The following GALNT13 variants were observed in gnomAD, a reference collection of about 807,000 sequenced individuals.
GALNT13 encodes UDP-GalNAc:polypeptide N-acetylgalactosaminyltransferase 13.
In GALNT13, 28 loss-of-function variants were observed where a neutral mutation model predicts 64.2. The ratio of observed to expected loss-of-function variants is 0.44; its 90% CI spans 0.32 to 0.60. The LOEUF is 0.60. Among genes scored for constraint, GALNT13 ranks in the 20% least tolerant of loss-of-function variants. GALNT13 has a pLI of 0.05. For missense variants in GALNT13, 577 were observed against 669.8 expected (o/e 0.86, Z 1.53); for synonymous variants, 214 against 224.6 (o/e 0.95, Z 0.42).
In GALNT13 at chr2:153,898,753, A is replaced by T. The variant is rs149045597; in HGVS notation, c.-176-2183A>T. 5.4e-3 allele frequency among the ~76,000 whole-genome samples: 817 copies of T among 151,788 alleles called. 5 individuals carry two copies. The highest frequency in any genetic ancestry group is 0.018 in the African/African-American group (750 of 41,454). Reference sequence around the variant, plus strand: ...TAAGATAACCAATCAATAGCATGTGATTATAGGAATCTAGTGAAATGTAGT... The same window carrying T: ...TAAGATAACCAATCAATAGCATGTGTTTATAGGAATCTAGTGAAATGTAGT... On this transcript the variant is annotated intron_variant, in intron 1 of 12. Transcript: ENST00000392825.
the GALNT13 span, among the ~76,000 whole-genome samples, chr2:153,759,684 A>G: frequency 7.2e-5 from 11 of 152,198 alleles, no homozygotes; most frequent in Middle Eastern, 3.4e-3. Flanking sequence ...TGATTAAATG[A>G]TTCATTTAAT....
the GALNT13 span, among the ~76,000 whole-genome samples, chr2:153,840,324 A>G: frequency 6.6e-6 from 1 of 152,272 alleles, no homozygotes; most frequent in Non-Finnish European, 1.5e-5. Flanking sequence ...ATTTAAAACT[A>G]CATTTTAAGA....
chr2:153,339,149 T>C, the GALNT13 span, among the ~76,000 whole-genome samples: 1 of 152,200 alleles, frequency 6.6e-6, no homozygotes, highest in Non-Finnish European at 1.5e-5. Context: ...AGTAATGGGA[T>C]TGGTGGGTTG....
In GALNT13 at chr2:154,344,085, G is replaced by C. The variant is rs143332025; in HGVS notation, c.1156+42496G>C. On this transcript the variant is annotated intron_variant, in intron 9 of 12. Transcript: ENST00000392825. The stretch of plus-strand genomic sequence containing the variant: ...CTTGATAGAATATGTTTCTAAGAAG[G>C]ATTTTATGTATTCTGTCTCTATGAT... Among the ~76,000 whole-genome samples, 22 of 152,048 alleles carry C rather than the reference G, an allele frequency of 1.4e-4. No homozygotes were observed. In the East Asian group the frequency reaches 4.3e-3, roughly 29 times the overall value.
chr2:153,588,434 A>G, the GALNT13 span, among the ~76,000 whole-genome samples: 4 of 152,148 alleles, frequency 2.6e-5, no homozygotes, highest in Non-Finnish European at 4.4e-5. Context: ...CCAAACCCCA[A>G]TTTTTAACTT....
chr2:154,293,989 A>G (rs1314251414), intron 8 of GALNT13, among the ~76,000 whole-genome samples: 1 of 152,206 alleles, frequency 6.6e-6, no homozygotes, highest in Non-Finnish European at 1.5e-5. Context: ...ATTAATGCAT[A>G]GTGTTATGCA....
chr2:153,389,410 G>A, the GALNT13 span, among the ~76,000 whole-genome samples: 1 of 152,010 alleles, frequency 6.6e-6, no homozygotes. Context: ...GCTTGTAAGA[G>A]GTAAAGGCTT....
At chr2:153,486,242 C>T in the GALNT13 span, among the ~76,000 whole-genome samples, 1 of 152,116 alleles carries the variant, frequency 6.6e-6, no homozygotes, top group Non-Finnish European at 1.5e-5. Context: ...GCCTCACCTT[C>T]CTTTTAATGA....
the GALNT13 span, among the ~76,000 whole-genome samples, chr2:153,565,212 C>A: frequency 6.6e-6 from 1 of 151,848 alleles, no homozygotes; most frequent in African/African-American, 2.4e-5. Context: ...AAAACAAATA[C>A]AACATTATAA....
At chr2:153,863,568 A>G in the GALNT13 span, among the ~76,000 whole-genome samples, 1 of 152,176 alleles carries the variant, frequency 6.6e-6, no homozygotes, top group African/African-American at 2.4e-5. Flanking sequence ...GTGAAAACCA[A>G]TAAAATGTAT....
At chr2:154,004,867 C>T (rs1696147689) in intron 3 of GALNT13, among the ~76,000 whole-genome samples, 1 of 152,154 alleles carries the variant, frequency 6.6e-6, no homozygotes, top group Admixed American at 6.5e-5. Context: ...TAGATAGTGA[C>T]TCAGTGATAT....
rs368223970 is a variant in GALNT13, at chr2:154,036,576, AGT to A, written c.142+91941_142+91942del. Among the ~76,000 whole-genome samples the A allele has an allele frequency of 1.7e-4, 26 of 152,248 alleles. 1 individual carries two copies. In the South Asian group the frequency reaches 5.2e-3, roughly 30 times the overall value. ...TCTTATTGACCTGTATGTTTATATG[AGT>A]GTGAATATGTGTGTACCTGTGTGTA... is the stretch of plus-strand genomic sequence containing the variant. On this transcript the variant is annotated intron_variant, in intron 3 of 12. Transcript: ENST00000392825.
the GALNT13 span, among the ~76,000 whole-genome samples, chr2:153,262,604 C>T: frequency 2.0e-5 from 3 of 152,208 alleles, no homozygotes; most frequent in East Asian, 3.9e-4. Flanking sequence ...TCCACCATGA[C>T]CACCAAGTTG....
chr2:153,718,314 C>A, the GALNT13 span, among the ~76,000 whole-genome samples: 1 of 151,828 alleles, frequency 6.6e-6, no homozygotes, highest in South Asian at 2.1e-4. Flanking sequence ...AGCCAGGACA[C>A]AAAGTAAGGT....
chr2:153,368,937 T>C, the GALNT13 span, among the ~76,000 whole-genome samples: 2 of 151,956 alleles, frequency 1.3e-5, no homozygotes, highest in African/African-American at 4.8e-5. Flanking sequence ...AAAAAAACTT[T>C]AATAAATTTG....
At chr2:154,170,637 T>C (rs1006680956) in intron 4 of GALNT13, among the ~76,000 whole-genome samples, 1 of 152,166 alleles carries the variant, frequency 6.6e-6, no homozygotes. Context: ...TTCACTGCCA[T>C]GTGAAACCTG....
intron 5 of GALNT13, among the ~76,000 whole-genome samples, 186 bp from the exon 6 acceptor site, chr2:154,242,510 CAT>C (rs969736604): frequency 9.9e-5 from 15 of 152,112 alleles, no homozygotes; most frequent in Non-Finnish European, 1.5e-4. Flanking sequence ...TGAGCATTCT[CAT>C]ATGATTTTAT....
chr2:153,681,255 C>T, the GALNT13 span, among the ~76,000 whole-genome samples: 1 of 151,754 alleles, frequency 6.6e-6, no homozygotes. Context: ...GTAGTTAGCC[C>T]AAACCAAGTA....
At chr2:153,839,817 G>T in the GALNT13 span, among the ~76,000 whole-genome samples, 4 of 151,830 alleles carry the variant, frequency 2.6e-5, no homozygotes, top group Non-Finnish European at 5.9e-5. Flanking sequence ...TGGAGACATT[G>T]TGTATTTATT....
Sources: allele counts gnomAD v4.1 joint callset (sites outside exome capture counted in the v4.1 genomes callset), GRCh38; gene constraint gnomAD v4.1.1; transcripts MANE v1.5; gene names NCBI Gene and HGNC (gene_info 2026-07-23, HGNC 2026-07-21).